The following PTPRD variants were observed in gnomAD, a reference collection of about 807,000 sequenced individuals.
The protein encoded by PTPRD is protein tyrosine phosphatase receptor type D.
Under a neutral mutation model 214.5 loss-of-function variants are expected in PTPRD, and 34 were observed. The observed-to-expected ratio is 0.16, with a 90% CI of 0.12 to 0.21. The LOEUF (loss-of-function observed/expected upper bound fraction) is 0.21, where lower values mean the gene tolerates loss of function less well. Among genes scored for constraint, PTPRD ranks in the 10% least tolerant of loss-of-function variants. The probability of loss-of-function intolerance (pLI) is 1.00; values close to 1 mark genes in which losing one functional copy is unlikely to be tolerated. For missense variants in PTPRD, 2,545 were observed against 2,398.7 expected (o/e 1.06, Z -1.27); for synonymous variants, 1,128 against 845.7 (o/e 1.33, Z -5.79).
intron 14 of PTPRD, among the ~76,000 whole-genome samples, chr9:8,602,500 T>C (rs1343647257): frequency 2.0e-5 from 3 of 152,046 alleles, no homozygotes; most frequent in Non-Finnish European, 2.9e-5. Flanking sequence ...ATGAATTCCC[T>C]AAACGTGTAA....
intron 10 of PTPRD, among the ~76,000 whole-genome samples, chr9:9,064,011 CAA>C (rs2099716773): frequency 6.6e-6 from 1 of 152,178 alleles, no homozygotes; most frequent in African/African-American, 2.4e-5. Flanking sequence ...AATATATACT[CAA>C]GTTAGATGCA....
At chr9:9,309,086 TA>T (rs1274809214) in intron 9 of PTPRD, among the ~76,000 whole-genome samples, 1 of 152,046 alleles carries the variant, frequency 6.6e-6, no homozygotes, top group Non-Finnish European at 1.5e-5. Context: ...CAAATAAAAA[TA>T]AAAAACCAAG....
At chr9:10,251,055 G>A (rs1274253222) in intron 3 of PTPRD, among the ~76,000 whole-genome samples, 2 of 151,826 alleles carry the variant, frequency 1.3e-5, no homozygotes, top group African/African-American at 2.4e-5. Flanking sequence ...GGCTACATAG[G>A]GGTCTTTGAA....
At chr9:9,320,192 T>A (rs1189493805) in intron 9 of PTPRD, among the ~76,000 whole-genome samples, 1 of 152,170 alleles carries the variant, frequency 6.6e-6, no homozygotes, top group Non-Finnish European at 1.5e-5. Context: ...GGCACCATAT[T>A]TTATTTCTTC....
chr9:10,247,126 A>C (rs941923240), intron 3 of PTPRD, among the ~76,000 whole-genome samples: 9 of 152,136 alleles, frequency 5.9e-5, no homozygotes, highest in African/African-American at 2.2e-4. Context: ...CTTTGACTAC[A>C]AGGTGTTACA....
intron 3 of PTPRD, among the ~76,000 whole-genome samples, chr9:10,060,530 T>C (rs909962280): frequency 1.3e-5 from 2 of 152,054 alleles, no homozygotes; most frequent in African/African-American, 4.8e-5. Flanking sequence ...GGCACTATTG[T>C]AATCTCATGA....
At chr9:8,405,368 C>T (rs2092865345) in intron 35 of PTPRD, among the ~76,000 whole-genome samples, 1 of 151,586 alleles carries the variant, frequency 6.6e-6, no homozygotes, top group South Asian at 2.1e-4. Context: ...TTATAGTTTG[C>T]TTTTTATTCT....
At chr9:10,540,915 G>A (rs1333652095) in intron 2 of PTPRD, among the ~76,000 whole-genome samples, 1 of 152,096 alleles carries the variant, frequency 6.6e-6, no homozygotes, top group Non-Finnish European at 1.5e-5. Context: ...GAAATACCAG[G>A]GGTGTTGCAG....
chr9:8,591,724 A>G (rs2094121893), intron 14 of PTPRD, among the ~76,000 whole-genome samples: 1 of 152,176 alleles, frequency 6.6e-6, no homozygotes, highest in Non-Finnish European at 1.5e-5. Context: ...GAGCCTAGAG[A>G]GCAAACCAAA....
intron 9 of PTPRD, among the ~76,000 whole-genome samples, chr9:9,336,748 G>C (rs1003097899): frequency 2.0e-5 from 3 of 152,142 alleles, no homozygotes; most frequent in African/African-American, 7.2e-5. Flanking sequence ...TTTAAAGTAA[G>C]CTCACTTTTA....
At chr9:9,192,421 T>G (rs2099935811) in intron 9 of PTPRD, among the ~76,000 whole-genome samples, 1 of 152,108 alleles carries the variant, frequency 6.6e-6, no homozygotes, top group Non-Finnish European at 1.5e-5. Flanking sequence ...GGTATCCTAG[T>G]GATTAAAAGG....
chr9:9,983,484 C>G (rs529432698), intron 4 of PTPRD, among the ~76,000 whole-genome samples: 2 of 152,164 alleles, frequency 1.3e-5, no homozygotes, highest in Non-Finnish European at 2.9e-5. Flanking sequence ...TTTGTAAAGT[C>G]CTTTATTACA....
chr9:8,395,498 C>T (rs996583008), intron 36 of PTPRD, among the ~76,000 whole-genome samples: 2 of 152,130 alleles, frequency 1.3e-5, no homozygotes, highest in African/African-American at 4.8e-5. Flanking sequence ...CTGCATCAGA[C>T]CTGGTGACAT....
intron 7 of PTPRD, among the ~76,000 whole-genome samples, chr9:9,655,464 G>C (rs536010732): frequency 8.4e-4 from 127 of 152,022 alleles, no homozygotes; most frequent in African/African-American, 2.9e-3. Flanking sequence ...AGCTACACAG[G>C]AGGCTAAGAC....
At chr9:9,988,488 G>C (rs1393049339) in intron 4 of PTPRD, among the ~76,000 whole-genome samples, 1 of 152,104 alleles carries the variant, frequency 6.6e-6, no homozygotes, top group East Asian at 1.9e-4. Flanking sequence ...AATTAGATTT[G>C]GTATCTGTAT....
chr9:9,718,920 G>A (rs1393640056), intron 7 of PTPRD, among the ~76,000 whole-genome samples: 1 of 151,990 alleles, frequency 6.6e-6, no homozygotes, highest in East Asian at 1.9e-4. Flanking sequence ...GCAGCCGGAG[G>A]CAGACAGGTT....
chr9:10,191,789 T>C (rs948517674), intron 3 of PTPRD, among the ~76,000 whole-genome samples: 2 of 152,176 alleles, frequency 1.3e-5, no homozygotes, highest in Non-Finnish European at 2.9e-5. Flanking sequence ...GCAGTAGCAG[T>C]AGTAGGAAGC....
chr9:9,571,623 A>C (rs2086439333), intron 8 of PTPRD, among the ~76,000 whole-genome samples: 2 of 151,180 alleles, frequency 1.3e-5, no homozygotes, highest in African/African-American at 4.8e-5. Flanking sequence ...TTTAGGCTTA[A>C]AGTAAAATAA....
At chr9:9,374,169 A>G (rs981242676) in intron 9 of PTPRD, among the ~76,000 whole-genome samples, 1 of 152,102 alleles carries the variant, frequency 6.6e-6, no homozygotes, top group Admixed American at 6.6e-5. Flanking sequence ...GACAGATTTT[A>G]TGTAAAGTAT....
Sources: gnomAD v4.1 joint callset for allele counts (sites outside exome capture counted in the v4.1 genomes callset) on GRCh38, gnomAD v4.1.1 for gene constraint, MANE v1.5 for transcripts, NCBI Gene and HGNC (gene_info 2026-07-23, HGNC 2026-07-21) for gene names.